The following EIF3H variants were observed in gnomAD, a reference collection of about 807,000 sequenced individuals.
EIF3H encodes eukaryotic translation initiation factor 3 subunit H.
In EIF3H, 26 loss-of-function variants were observed where a neutral mutation model predicts 44.2. The ratio of observed to expected loss-of-function variants is 0.59; its 90% CI spans 0.43 to 0.82. The LOEUF (loss-of-function observed/expected upper bound fraction) is 0.82, where lower values mean the gene tolerates loss of function less well. Among genes scored for constraint, EIF3H ranks in the 40% least tolerant of loss-of-function variants. The pLI, the probability that EIF3H is intolerant of heterozygous loss-of-function variation, is 0.00. For synonymous variants in EIF3H, 166 were observed against 151.9 expected (o/e 1.09, Z -0.68); for missense variants, 359 against 432.8 (o/e 0.83, Z 1.51).
chr8:116,729,679 A>C (rs933095008), intron 1 of EIF3H, among the ~76,000 whole-genome samples: 1 of 152,228 alleles, frequency 6.6e-6, no homozygotes, highest in African/African-American at 2.4e-5. Context: ...CAGTATGAGT[A>C]AGAATCCACA....
intron 2 of EIF3H, among the ~76,000 whole-genome samples, chr8:116,662,324 G>C (rs113049401): frequency 1.2e-4 from 19 of 152,194 alleles, no homozygotes; most frequent in African/African-American, 4.3e-4. Flanking sequence ...TAAACAAACT[G>C]CAAGTGAGTC....
chr8:116,757,293 AGG>A (rs1181103708), upstream of EIF3H, among the ~76,000 whole-genome samples: 1 of 151,968 alleles, frequency 6.6e-6, no homozygotes, highest in Admixed American at 6.6e-5. Context: ...AGAGAGAGAG[AGG>A]GCCAGAGAAT....
intron 1 of EIF3H, among the ~76,000 whole-genome samples, chr8:116,738,226 C>A (rs1207869187): frequency 6.6e-6 from 1 of 152,030 alleles, no homozygotes; most frequent in African/African-American, 2.4e-5. Context: ...ATAGAACAAA[C>A]TAACGTTTCA....
At chr8:116,745,635 A>C (rs147908825) in intron 1 of EIF3H, among the ~76,000 whole-genome samples, 88 of 152,322 alleles carry the variant, frequency 5.8e-4, no homozygotes, top group Non-Finnish European at 9.4e-4. Context: ...AGGAACATAA[A>C]AACGGAAAAG....
chr8:116,664,708 G>T (rs1049844868), intron 2 of EIF3H, among the ~76,000 whole-genome samples: 1 of 152,100 alleles, frequency 6.6e-6, no homozygotes, highest in Admixed American at 6.5e-5. Flanking sequence ...CAAGAAAAAA[G>T]AAGTGTTTTG....
chr8:116,727,032 G>C (rs1055381909), intron 1 of EIF3H, among the ~76,000 whole-genome samples: 1 of 152,182 alleles, frequency 6.6e-6, no homozygotes, highest in African/African-American at 2.4e-5. Flanking sequence ...AAAGTTCTCA[G>C]AGGAAAAATA....
intron 5 of EIF3H, among the ~76,000 whole-genome samples, chr8:116,654,482 T>C (rs954992671): frequency 2.0e-5 from 3 of 152,210 alleles, no homozygotes; most frequent in African/African-American, 7.2e-5. Context: ...TTAAAAGTAT[T>C]ATATAACTAT....
Position 116,655,918 on chromosome 8 carries a change from C to T in EIF3H, c.645G>A (p.Met215Ile). The T allele has an allele frequency of 6.2e-7, 1 of 1,613,760 alleles. No homozygotes were observed. Among genetic ancestry groups the T allele is most frequent in the East Asian group, 2.2e-5 (1 of 44,866 alleles). ...CAGCTGACTTCTTTTCAAGTTCCCA[C>T]ATTAGGACATTGATCAGATGTGAAT... ...IKNSHLINVL[M>I]WELEKKSAVA... The change falls in exon 5 of 8, where the codon ATG becomes ATA. Residue 215 changes from methionine to isoleucine, a missense_variant. Met to Ile is a conservative substitution (Grantham distance 10). Around this residue, in one of 5 missense-constraint regions of EIF3H, gnomAD observed 85 missense variants for 79.2 expected, o/e 1.07. Transcript: ENST00000521861.
chr8:116,718,568 T>C (rs1814690908), intron 2 of EIF3H, among the ~76,000 whole-genome samples: 1 of 152,130 alleles, frequency 6.6e-6, no homozygotes, highest in Non-Finnish European at 1.5e-5. Context: ...ATAATGGCAT[T>C]TGCAGCAACC....
intron 2 of EIF3H, among the ~76,000 whole-genome samples, chr8:116,671,488 A>G (rs1813753677): frequency 6.6e-6 from 1 of 152,218 alleles, no homozygotes; most frequent in Non-Finnish European, 1.5e-5. Context: ...AGTTAGACCA[A>G]CGCGTTAAAT....
chr8:116,645,249 G>A (rs999077622), intron 7 of EIF3H, 146 bp from the exon 8 acceptor site: 2 of 632,000 alleles, frequency 3.2e-6, no homozygotes, highest in Non-Finnish European at 5.5e-6. Flanking sequence ...TAAGGGATAA[G>A]AAATACAAGT....
chr8:116,673,767 C>CACACTGT (rs1168553006), intron 2 of EIF3H, among the ~76,000 whole-genome samples: 2 of 152,054 alleles, frequency 1.3e-5, no homozygotes, highest in Non-Finnish European at 2.9e-5. Context: ...TTTCATTCAG[C>CACACTGT]ACACTGTAAA....
intron 1 of EIF3H, among the ~76,000 whole-genome samples, chr8:116,744,214 T>A (rs1349840164): frequency 4.2e-5 from 6 of 141,260 alleles, no homozygotes; most frequent in Non-Finnish European, 3.0e-5. Context: ...TAGAAAGTAT[T>A]AAAAAAAAAA....
At chr8:116,761,846 G>A (rs1815521879) in intron 1 of EIF3H, among the ~76,000 whole-genome samples, 1 of 152,180 alleles carries the variant, frequency 6.6e-6, no homozygotes, top group Non-Finnish European at 1.5e-5. Flanking sequence ...AATTCCGCTT[G>A]CTTTCTTTAA....
intron 1 of EIF3H, among the ~76,000 whole-genome samples, chr8:116,738,366 A>C (rs577773503): frequency 6.6e-6 from 1 of 152,336 alleles, no homozygotes; most frequent in East Asian, 1.9e-4. Flanking sequence ...GAGAAAAAGA[A>C]GCCCACACAC....
chr8:116,706,829 G>C (rs919809000), intron 2 of EIF3H, among the ~76,000 whole-genome samples: 22 of 152,160 alleles, frequency 1.4e-4, no homozygotes, highest in Non-Finnish European at 1.0e-4. Context: ...ACAGGCATGA[G>C]CCACAGCACC....
intron 1 of EIF3H, among the ~76,000 whole-genome samples, chr8:116,736,496 C>G (rs535153885): frequency 1.2e-3 from 178 of 152,266 alleles, no homozygotes; most frequent in Non-Finnish European, 1.8e-3. Flanking sequence ...CCCACCTCTA[C>G]TAAAAATACA....
intron 2 of EIF3H, among the ~76,000 whole-genome samples, chr8:116,688,259 TTAGA>T (rs759258197): frequency 1.3e-5 from 2 of 152,126 alleles, no homozygotes; most frequent in African/African-American, 4.8e-5. Context: ...TATTCAGACC[TTAGA>T]TAAGGGCTGT....
intron 2 of EIF3H, among the ~76,000 whole-genome samples, chr8:116,693,208 G>T (rs1176518747): frequency 1.3e-5 from 2 of 152,154 alleles, no homozygotes; most frequent in Non-Finnish European, 1.5e-5. Flanking sequence ...TAGACCTAAA[G>T]TATAACTGAA....
Sources: gnomAD v4.1 joint callset for allele counts (sites outside exome capture counted in the v4.1 genomes callset) on GRCh38, gnomAD v4.1.1 for gene constraint, gnomAD v4.1.1 regional missense constraint, MANE v1.5 for transcripts, NCBI Gene and HGNC (gene_info 2026-07-23, HGNC 2026-07-21) for gene names.